The following TLE4 variants were observed in gnomAD, a reference collection of about 807,000 sequenced individuals.
TLE4 encodes TLE family member 4, transcriptional corepressor, also known as transducin-like enhancer protein 4.
In TLE4, 8 loss-of-function variants were observed where a neutral mutation model predicts 92.8. That is an observed-to-expected ratio of 0.09 (90% CI 0.05 to 0.16). The LOEUF (loss-of-function observed/expected upper bound fraction) is 0.16, where lower values mean the gene tolerates loss of function less well. TLE4 is among the 10% of genes least tolerant of loss of function. The probability of loss-of-function intolerance (pLI) is 1.00; values close to 1 mark genes in which losing one functional copy is unlikely to be tolerated. For missense variants in TLE4, 675 were observed against 997.6 expected (o/e 0.68, Z 4.36); for synonymous variants, 371 against 374.1 (o/e 0.99, Z 0.10).
intron 8 of TLE4, among the ~76,000 whole-genome samples, chr9:79,686,425 C>A (rs10867413): frequency 0.53 from 80,637 of 151,970 alleles, 24,078 homozygotes; most frequent in East Asian, 0.74. Flanking sequence ...ATTCTGATCC[C>A]CGGTACCTGT....
At chr9:79,639,488 G>C (rs1165495900) in intron 6 of TLE4, among the ~76,000 whole-genome samples, 1 of 152,120 alleles carries the variant, frequency 6.6e-6, no homozygotes, top group East Asian at 1.9e-4. Flanking sequence ...TAGCAGTGTA[G>C]AGTAATTATA....
chr9:79,713,475 G>C (rs1434207386), intron 14 of TLE4, among the ~76,000 whole-genome samples: 3 of 152,164 alleles, frequency 2.0e-5, no homozygotes, highest in Non-Finnish European at 4.4e-5. Context: ...TGTTCGTGTT[G>C]AGAGGAGGTC....
intron 1 of TLE4, 177 bp from the exon 2 acceptor site, chr9:79,573,512 C>T (rs2131803690): frequency 1.2e-6 from 1 of 819,122 alleles, no homozygotes; most frequent in Non-Finnish European, 1.7e-6. Context: ...CACCTCGAAA[C>T]CAGCCTCTGC....
Position 79,615,347 on chromosome 9 carries a change from G to A in TLE4, c.315+2629G>A, listed in dbSNP as rs746661298. Among the ~76,000 whole-genome samples the A allele has an allele frequency of 5.9e-5, 9 of 152,074 alleles. No homozygotes were observed. The East Asian group carries it at 7.7e-4, about 13-fold the overall frequency. On this transcript the variant is annotated intron_variant, in intron 5 of 19. Transcript: ENST00000376552. Reference sequence around the variant, plus strand: ...CACCGGCTCTCTGTGTGACAGTCTCGCTACCAAAACGGCAGCTGCTGCATT... The same window carrying A: ...CACCGGCTCTCTGTGTGACAGTCTCACTACCAAAACGGCAGCTGCTGCATT...
At position 79,648,062 on chromosome 9, in the gene TLE4, A is replaced by T. The variant is rs527662033; in HGVS notation, c.391-4531A>T. Among the ~76,000 whole-genome samples, 320 of 152,266 alleles carry T rather than the reference A, an allele frequency of 2.1e-3. 5 individuals carry two copies. The highest frequency in any genetic ancestry group is 0.012 in the South Asian group (58 of 4,806). On this transcript the variant is annotated intron_variant, in intron 6 of 19. Coordinates refer to ENST00000376552, the MANE Select transcript of TLE4 (RefSeq NM_007005.6). ...AAACAGACTAGTGTTGCGGGCAGAG[A>T]GTTCCCTGGATGGTGTTGCACAGTA...
At chr9:79,688,698 C>T (rs915284709) in intron 8 of TLE4, among the ~76,000 whole-genome samples, 3 of 151,422 alleles carry the variant, frequency 2.0e-5, no homozygotes, top group Non-Finnish European at 4.4e-5. Flanking sequence ...GGGAAGAATG[C>T]CGTATAAAAC....
At chr9:79,593,845 C>G (rs1027546451) in intron 4 of TLE4, among the ~76,000 whole-genome samples, 4 of 152,172 alleles carry the variant, frequency 2.6e-5, no homozygotes, top group African/African-American at 4.8e-5. Flanking sequence ...AACCTCAGAT[C>G]TTTAAAATTA....
chr9:79,658,849 A>G (rs377311793), intron 8 of TLE4, among the ~76,000 whole-genome samples: 2 of 152,238 alleles, frequency 1.3e-5, no homozygotes, highest in Non-Finnish European at 2.9e-5. Flanking sequence ...TCCACAGAAC[A>G]CTAAAGAGTG....
chr9:79,572,844 G>C lies in TLE4; in HGVS notation c.45+9G>C. ...CGCAGACCAGACACCCAGTGAGTGCGGGCGGCGGGGCGCGGGCTCGCCGGG... is the reference window on the plus strand; with the variant it reads ...CGCAGACCAGACACCCAGTGAGTGCCGGCGGCGGGGCGCGGGCTCGCCGGG... On this transcript the variant is annotated intron_variant, in intron 1 of 19. Transcript: ENST00000376552. The C allele has an allele frequency of 6.3e-7, 1 of 1,593,994 alleles. No individual in the cohort carries two copies. The highest frequency in any genetic ancestry group is 2.3e-5 in the East Asian group (1 of 42,822).
chr9:79,671,681 T>C (rs1352515273), intron 8 of TLE4: 3 of 160,246 alleles, frequency 1.9e-5, no homozygotes, highest in Non-Finnish European at 4.2e-5. Flanking sequence ...GCTTCTTTTC[T>C]TCAGACCGAG....
chr9:79,710,574 G>C (rs550595641), intron 14 of TLE4, among the ~76,000 whole-genome samples: 1 of 152,224 alleles, frequency 6.6e-6, no homozygotes, highest in East Asian at 1.9e-4. Context: ...GCAGCTCAAG[G>C]CGCCTTCTCC....
intron 1 of TLE4, among the ~76,000 whole-genome samples, chr9:79,573,079 A>T (rs1468756427): frequency 3.3e-5 from 5 of 151,814 alleles, no homozygotes; most frequent in Non-Finnish European, 5.9e-5. Context: ...AGCCCCTGGA[A>T]GCCGCGCCGA....
intron 8 of TLE4, among the ~76,000 whole-genome samples, chr9:79,667,646 G>A (rs2061621931): frequency 6.6e-6 from 1 of 152,070 alleles, no homozygotes; most frequent in African/African-American, 2.4e-5. Flanking sequence ...CCTGCCTATT[G>A]GAAGTGCTTG....
intron 15 of TLE4, among the ~76,000 whole-genome samples, chr9:79,719,756 C>T (rs894631654): frequency 2.6e-5 from 4 of 152,138 alleles, no homozygotes; most frequent in African/African-American, 9.7e-5. Flanking sequence ...TCTGTGTGTG[C>T]AAATGATGCA....
Position 79,694,238 on chromosome 9 carries a change from T to G in TLE4, c.610-10545T>G, listed in dbSNP as rs766548575. Among the ~76,000 whole-genome samples the G allele has an allele frequency of 1.9e-4, 29 of 152,164 alleles. 1 individual carries two copies. Among genetic ancestry groups the G allele is most frequent in the Non-Finnish European group, 4.0e-4 (27 of 68,016 alleles). On this transcript the variant is annotated intron_variant, in intron 8 of 19. Coordinates refer to ENST00000376552, the MANE Select transcript of TLE4 (RefSeq NM_007005.6). ...ACTCACAATTGTCTGAAATGGCAAG[T>G]AGAATGGAGCTAAGATATTTTTCAT...
Position 79,720,143 on chromosome 9 carries a change from C to T in TLE4, c.1688C>T (p.Ala563Val), listed in dbSNP as rs756210292. 8.1e-6 allele frequency: 13 copies of T among 1,614,004 alleles called. 1 individual carries two copies. In the Admixed American group the frequency reaches 2.0e-4, roughly 25 times the overall value. ...AGTACTTTGTCCATTTGGGACCTGG[C>T]GGCTCCAACCCCACGCATCAAGGCA... ...EASTLSIWDL[A>V]APTPRIKAEL... Residue 563 changes from alanine to valine, a missense_variant, in exon 16 of 20, where the codon GCG (alanine) becomes GTG (valine). This residue lies in a region of TLE4 where 170 missense variants were observed against 359.6 expected (regional missense o/e 0.47). Transcript: ENST00000376552.
At chr9:79,685,005 G>A (rs1418834053) in intron 8 of TLE4, among the ~76,000 whole-genome samples, 3 of 152,168 alleles carry the variant, frequency 2.0e-5, no homozygotes, top group East Asian at 1.9e-4. Context: ...GGTTGGGCCC[G>A]TGTGCATGCG....
chr9:79,605,963 G>A (rs1368236257), intron 4 of TLE4, among the ~76,000 whole-genome samples: 1 of 151,984 alleles, frequency 6.6e-6, no homozygotes, highest in African/African-American at 2.4e-5. Flanking sequence ...GTTGTGAAAA[G>A]AGATTCAATA....
chr9:79,584,564 C>T (rs2040584135), intron 4 of TLE4, among the ~76,000 whole-genome samples: 1 of 152,078 alleles, frequency 6.6e-6, no homozygotes, highest in South Asian at 2.1e-4. Flanking sequence ...TGCTGTGTAC[C>T]CGGTGTTGAG....
Sources: gnomAD v4.1 joint callset for allele counts (sites outside exome capture counted in the v4.1 genomes callset) on GRCh38, gnomAD v4.1.1 for gene constraint, gnomAD v4.1.1 regional missense constraint, MANE v1.5 for transcripts, NCBI Gene and HGNC (gene_info 2026-07-23, HGNC 2026-07-21) for gene names.